Variants in CLINT1 observed in about 807,000 individuals in gnomAD.
The protein encoded by CLINT1 is clathrin interactor 1.
In CLINT1, 15 loss-of-function variants were observed where a neutral mutation model predicts 70.4. That is an observed-to-expected ratio of 0.21 (90% CI 0.14 to 0.33). The LOEUF (loss-of-function observed/expected upper bound fraction) is 0.33. CLINT1 is among the 10% of genes least tolerant of loss of function. The probability of loss-of-function intolerance (pLI) is 1.00; values close to 1 mark genes in which losing one functional copy is unlikely to be tolerated. For synonymous variants in CLINT1, 227 were observed against 254.7 expected, an observed-to-expected ratio of 0.89 and a Z score of 1.04; for missense variants, 615 against 778.1, an observed-to-expected ratio of 0.79 and a Z score of 2.49.
At chr5:157,815,251 G>T (rs972422881) in intron 3 of CLINT1, among the ~76,000 whole-genome samples, 1 of 151,928 alleles carries the variant, frequency 6.6e-6, no homozygotes, top group Non-Finnish European at 1.5e-5. Flanking sequence ...AGTGAGCCAA[G>T]GGCATGCCAC....
At chr5:157,814,315 A>T in intron 3 of CLINT1, 22 bp from the exon 4 acceptor site, 1 of 1,462,494 alleles carries the variant, frequency 6.8e-7, no homozygotes, top group Non-Finnish European at 9.5e-7. Flanking sequence ...CAAAGCAATA[A>T]ATGATTTAAT....
In CLINT1 at chr5:157,787,127, A is replaced by G; in HGVS notation, c.*519T>C. On this transcript the variant is annotated 3_prime_UTR_variant, in exon 12 of 12. Coordinates refer to ENST00000411809, the MANE Select transcript of CLINT1 (RefSeq NM_014666.4). ...ACCTTTGATTTAGCCATAATCACAT[A>G]TGTATGCTTTTTTTTTTCTTGGACA... The G allele has an allele frequency of 6.5e-6, 1 of 154,834 alleles. No individual in the cohort carries two copies. Among genetic ancestry groups the G allele is most frequent in the East Asian group, 1.9e-4 (1 of 5,222 alleles). 9.6% of individuals were successfully genotyped at this position (154,834 alleles called of 1,614,324 possible).
rs1165775291 is a variant in CLINT1 at position 157,787,928 on chromosome 5, C to T, written c.1596G>A (p.Ser532=). The T allele has an allele frequency of 9.9e-6, 16 of 1,612,996 alleles. No homozygotes were observed. The highest frequency in any genetic ancestry group is 2.7e-5 in the African/African-American group (2 of 75,042). ...TTTGGGGCCGGACAGGAAGCATGTT[C>T]GATGGAGAACTGAGGTTCACAGCTC... ...SFGAVNLSSP[S]NMLPVRPQTN... Residue 532 remains serine (S), a synonymous_variant, in exon 12 of 12, where the codon TCG becomes TCA. Coordinates refer to ENST00000411809, the MANE Select transcript of CLINT1 (RefSeq NM_014666.4).
intron 1 of CLINT1, among the ~76,000 whole-genome samples, chr5:157,829,102 AAACAACAACAACAGC>A (rs909160485): frequency 2.0e-5 from 3 of 151,912 alleles, no homozygotes; most frequent in African/African-American, 4.8e-5. Flanking sequence ...ACTCTGCCTC[AAACAACAACAACAGC>A]AACAACAACA....
At chr5:157,818,467 TAAAAAAA>T (rs929415179) in intron 1 of CLINT1, among the ~76,000 whole-genome samples, 23 of 88,336 alleles carry the variant, frequency 2.6e-4, no homozygotes, top group African/African-American at 9.7e-4. Flanking sequence ...ACCTGGTCTC[TAAAAAAA>T]AAAAAAAAAA....
At chr5:157,814,808 G>A (rs1484535484) in intron 3 of CLINT1, among the ~76,000 whole-genome samples, 1 of 151,972 alleles carries the variant, frequency 6.6e-6, no homozygotes, top group Non-Finnish European at 1.5e-5. Context: ...CGAGGTGGGC[G>A]GATCACTTGA....
intron 1 of CLINT1, among the ~76,000 whole-genome samples, chr5:157,835,522 T>C (rs1181236204): frequency 2.0e-5 from 3 of 152,086 alleles, no homozygotes; most frequent in African/African-American, 7.2e-5. Context: ...CTGACTACAC[T>C]ATATCTTATG....
chr5:157,826,688 TTTAAA>T (rs1763051801), intron 1 of CLINT1, among the ~76,000 whole-genome samples: 1 of 152,160 alleles, frequency 6.6e-6, no homozygotes, highest in African/African-American at 2.4e-5. Flanking sequence ...TTCCAGATGT[TTTAAA>T]AAGTCAAAAC....
At chr5:157,822,318 G>A (rs1271709242) in intron 1 of CLINT1, among the ~76,000 whole-genome samples, 2 of 151,792 alleles carry the variant, frequency 1.3e-5, no homozygotes, top group Non-Finnish European at 2.9e-5. Flanking sequence ...TCATTTACAT[G>A]AGGCATATGT....
intron 8 of CLINT1, among the ~76,000 whole-genome samples, chr5:157,797,613 C>A (rs553418075): frequency 6.6e-6 from 1 of 151,900 alleles, no homozygotes. Context: ...CTCGAACTCC[C>A]GACCTCAAGT....
chr5:157,856,488 C>T (rs534085419), intron 1 of CLINT1, among the ~76,000 whole-genome samples: 7 of 152,214 alleles, frequency 4.6e-5, no homozygotes, highest in Non-Finnish European at 8.8e-5. Context: ...CCCTTAATCA[C>T]GTCACTGCTT....
At chr5:157,857,644 T>C (rs969822576) in intron 1 of CLINT1, among the ~76,000 whole-genome samples, 2 of 152,218 alleles carry the variant, frequency 1.3e-5, no homozygotes, top group East Asian at 1.9e-4. Context: ...GTAGGTATCG[T>C]TGCATTTTCA....
intron 1 of CLINT1, among the ~76,000 whole-genome samples, chr5:157,857,812 A>C (rs1281380785): frequency 6.6e-6 from 1 of 152,224 alleles, no homozygotes; most frequent in Non-Finnish European, 1.5e-5. Flanking sequence ...TCAAGCTCTA[A>C]GTTCTATCTG....
At chr5:157,795,189 GATAA>G in intron 8 of CLINT1, 1 of 513,072 alleles carries the variant, frequency 1.9e-6, no homozygotes, top group Non-Finnish European at 3.5e-6. Context: ...TATCTAGTAA[GATAA>G]ATGACACTGT....
intron 1 of CLINT1, among the ~76,000 whole-genome samples, chr5:157,853,892 A>G (rs537021841): frequency 2.2e-4 from 34 of 152,216 alleles, no homozygotes; most frequent in South Asian, 2.1e-3. Flanking sequence ...CAGTAGTACT[A>G]AATAGATTAA....
At chr5:157,827,030 A>G (rs1249843616) in intron 1 of CLINT1, among the ~76,000 whole-genome samples, 2 of 152,196 alleles carry the variant, frequency 1.3e-5, no homozygotes, top group Non-Finnish European at 2.9e-5. Flanking sequence ...GGTTCAATTA[A>G]TAGTTTGGAT....
chr5:157,843,476 C>T (rs1373251188), intron 1 of CLINT1, among the ~76,000 whole-genome samples: 1 of 152,144 alleles, frequency 6.6e-6, no homozygotes, highest in East Asian at 1.9e-4. Flanking sequence ...TTTACTGTAA[C>T]TTAACACATA....
chr5:157,859,116 A>T lies in CLINT1; in HGVS notation c.-146T>A. On this transcript the variant is annotated 5_prime_UTR_variant, in exon 1 of 12. Transcript: ENST00000411809. ...AGTCAGCTCCTTCCTTTGCCACAGCAGCGGCGCCGCCGGTGACACGTCGAG... is the reference window on the plus strand; with the variant it reads ...AGTCAGCTCCTTCCTTTGCCACAGCTGCGGCGCCGCCGGTGACACGTCGAG... 3.9e-6 allele frequency: 3 copies of T among 776,616 alleles called. No homozygotes were observed. Among genetic ancestry groups the T allele is most frequent in the Non-Finnish European group, 5.9e-6 (3 of 512,278 alleles). The allele number at this position is 776,616 out of a possible 1,614,324, so 48.1% of individuals were successfully genotyped here.
At chr5:157,799,940 T>C (rs1432702353) in intron 8 of CLINT1, among the ~76,000 whole-genome samples, 4 of 152,150 alleles carry the variant, frequency 2.6e-5, no homozygotes, top group African/African-American at 4.8e-5. Flanking sequence ...GGTAGAAATA[T>C]AGTATTGTAT....
Sources: gnomAD v4.1 joint callset for allele counts (sites outside exome capture counted in the v4.1 genomes callset) on GRCh38, gnomAD v4.1.1 for gene constraint, MANE v1.5 for transcripts, NCBI Gene and HGNC (gene_info 2026-07-23, HGNC 2026-07-21) for gene names.